PIK3CG: variants seen among roughly 807,000 people sequenced by gnomAD.
PIK3CG encodes the protein phosphatidylinositol 4,5-bisphosphate 3-kinase catalytic subunit gamma isoform.
Under a neutral mutation model 102.3 loss-of-function variants are expected in PIK3CG, and 55 were observed. The observed-to-expected ratio is 0.54, with a 90% CI of 0.43 to 0.67. The LOEUF is 0.67. PIK3CG is among the 30% of genes least tolerant of loss of function. PIK3CG has a pLI of 0.00. For missense variants in PIK3CG, 1,258 were observed against 1,391.8 expected (o/e 0.90, Z 1.53); for synonymous variants, 552 against 540.0 (o/e 1.02, Z -0.31).
At position 106,884,140 on chromosome 7, in the gene PIK3CG, A is replaced by C. The variant is rs1430682944; in HGVS notation, c.2761-15A>C. On this transcript the variant is annotated splice_polypyrimidine_tract_variant and intron_variant, in intron 8 of 10. Coordinates refer to ENST00000496166, the MANE Select transcript of PIK3CG (RefSeq NM_001282426.2). This position sits in a 1 kb window ranked among gnomAD's most constrained non-coding sequence, Gnocchi z 4.2. ...TAGTTAGAAGACAACTAATATTCAA[A>C]TGCATTTTAATTAGTTTCAGGCAGC... 6.5e-7 allele frequency: 1 copy of C among 1,545,738 alleles called. No individual in the cohort carries two copies. The highest frequency in any genetic ancestry group is 1.1e-5 in the South Asian group (1 of 89,186).
chr7:106,900,901 T>C (rs576546132), intron 10 of PIK3CG, among the ~76,000 whole-genome samples: 49 of 152,258 alleles, frequency 3.2e-4, no homozygotes, highest in Admixed American at 9.2e-4. Context: ...CTCTTCTGGC[T>C]TGTAGGGTTT....
chr7:106,879,688 T>A lies in PIK3CG; in HGVS notation c.2538+23T>A, dbSNP rs760503041. 1.3e-6 allele frequency: 2 copies of A among 1,582,616 alleles called. No individual in the cohort carries two copies. Among genetic ancestry groups the A allele is most frequent in the African/African-American group, 2.7e-5 (2 of 74,052 alleles). On this transcript the variant is annotated intron_variant, in intron 6 of 10. Transcript: ENST00000496166. The surrounding 1 kb of genome is among the most constrained non-coding windows in gnomAD (Gnocchi z 4.9). ...CAGGTATGCTAATTTTAAGATTGTT[T>A]TCAATTATCTGAAAACAATTCTATA... is the stretch of plus-strand genomic sequence containing the variant.
chr7:106,874,585 A>T lies in PIK3CG; in HGVS notation c.2288-115A>T. On this transcript the variant is annotated intron_variant, in intron 4 of 10. Coordinates refer to ENST00000496166, the MANE Select transcript of PIK3CG (RefSeq NM_001282426.2). The surrounding 1 kb of genome is among the most constrained non-coding windows in gnomAD (Gnocchi z 4.3). ...GGCCCACCCACATTTCTCCTGCTCT[A>T]CACCAGAACAAATATATAGAATGCT... 1 of 751,984 alleles carries T rather than the reference A, an allele frequency of 1.3e-6. No individual in the cohort carries two copies. Among genetic ancestry groups the T allele is most frequent in the South Asian group, 1.8e-5 (1 of 56,198 alleles). The allele number at this position is 751,984 out of a possible 1,614,324, so 46.6% of individuals were successfully genotyped here.
chr7:106,867,619 C>T lies in PIK3CG; in HGVS notation c.58C>T (p.Arg20Cys), dbSNP rs2116417261. 1 of 1,610,816 alleles carries T rather than the reference C, an allele frequency of 6.2e-7. No homozygotes were observed. Among genetic ancestry groups the T allele is most frequent in the South Asian group, 1.1e-5 (1 of 90,816 alleles). ...VVLREDNCRR[R>C]RRMKPRSAAA... ...GCTGAGAGAGGACAACTGCCGAAGG[C>T]GCCGGAGGATGAAGCCGCGCAGTGC... is the stretch of plus-strand genomic sequence containing the variant. The change falls in exon 2 of 11, where the codon CGC becomes TGC. Residue 20 changes from arginine (R) to cysteine (C), a missense_variant. This residue lies in a region of PIK3CG where 832 missense variants were observed against 787.5 expected (regional missense o/e 1.06). Coordinates refer to ENST00000496166, the MANE Select transcript of PIK3CG (RefSeq NM_001282426.2). This position sits in a 1 kb window ranked among gnomAD's most constrained non-coding sequence, Gnocchi z 5.1.
In PIK3CG at chr7:106,886,116, G is replaced by A. The variant is rs1791082628; in HGVS notation, c.2873-19G>A. ...GTGCTGTGCCACTGTAATGATGTCA[G>A]ATACTTTCTTCTCTTAAGGAAACCT... On this transcript the variant is annotated intron_variant, in intron 9 of 10. Transcript: ENST00000496166. The A allele has an allele frequency of 1.2e-6, 2 of 1,610,692 alleles. No homozygotes were observed. Among genetic ancestry groups the A allele is most frequent in the African/African-American group, 1.3e-5 (1 of 74,822 alleles).
In PIK3CG at chr7:106,876,910, T is replaced by A. The variant is rs1345769368; in HGVS notation, c.2391+2107T>A. 3.9e-5 allele frequency among the ~76,000 whole-genome samples: 6 copies of A among 152,184 alleles called. No individual in the cohort carries two copies. The East Asian group carries it at 1.2e-3, about 29-fold the overall frequency. Reference sequence around the variant, plus strand: ...CTTTTAGTGTCTTATCTAAGAAATCTGTCTAGGACTAGCACAGTGTCTCAC... The same window carrying A: ...CTTTTAGTGTCTTATCTAAGAAATCAGTCTAGGACTAGCACAGTGTCTCAC... On this transcript the variant is annotated intron_variant, in intron 5 of 10. Transcript: ENST00000496166.
At chr7:106,873,350 A>G (rs949805085) in intron 4 of PIK3CG, among the ~76,000 whole-genome samples, 1 of 152,184 alleles carries the variant, frequency 6.6e-6, no homozygotes, top group Non-Finnish European at 1.5e-5. Context: ...TTCTTCATCT[A>G]TATATCTCAG....
intron 7 of PIK3CG, 107 bp from the exon 8 acceptor site, chr7:106,882,917 CAAAAAAAAA>C: frequency 2.4e-6 from 1 of 412,252 alleles, no homozygotes; most frequent in South Asian, 4.0e-5. Flanking sequence ...GCTCTCTGGT[CAAAAAAAAA>C]AAAAAAAAAA....
At chr7:106,900,412 A>T (rs943194678) in intron 10 of PIK3CG, among the ~76,000 whole-genome samples, 1 of 152,118 alleles carries the variant, frequency 6.6e-6, no homozygotes, top group Admixed American at 6.6e-5. Context: ...TTTGCTTGGT[A>T]TATTTTCCTC....
At position 106,877,158 on chromosome 7, in the gene PIK3CG, A is replaced by T. The variant is rs1363143551; in HGVS notation, c.2391+2355A>T. On this transcript the variant is annotated intron_variant, in intron 5 of 10. Transcript: ENST00000496166. The surrounding 1 kb of genome is among the most constrained non-coding windows in gnomAD (Gnocchi z 4.5). The stretch of plus-strand genomic sequence containing the variant: ...TACTGCAGTGAGCTGTGTTTGTGCC[A>T]CTGCATTCCAACCTGGGCTACAGAG... Among the ~76,000 whole-genome samples, 1 of 152,242 alleles carries T rather than the reference A, an allele frequency of 6.6e-6. No individual in the cohort carries two copies. The highest frequency in any genetic ancestry group is 1.5e-5 in the Non-Finnish European group (1 of 68,038).
chr7:106,876,550 C>T (rs1228852651), intron 5 of PIK3CG, among the ~76,000 whole-genome samples: 1 of 151,366 alleles, frequency 6.6e-6, no homozygotes, highest in Non-Finnish European at 1.5e-5. Context: ...CGCCACCACA[C>T]CCAGCTAATT....
chr7:106,882,204 A>G lies in PIK3CG; in HGVS notation c.2626A>G (p.Ile876Val), dbSNP rs1427959397. 1 of 1,548,902 alleles carries G rather than the reference A, an allele frequency of 6.5e-7. No homozygotes were observed. The highest frequency in any genetic ancestry group is 2.3e-5 in the East Asian group (1 of 42,562). The change falls in exon 7 of 11, where the codon ATA (isoleucine) becomes GTA (valine). Residue 876 changes from isoleucine (I) to valine (V), a missense_variant. By Grantham distance (29) the Ile-to-Val change is conservative. Coordinates refer to ENST00000496166, the MANE Select transcript of PIK3CG (RefSeq NM_001282426.2). ...PYGCISTGDK[I>V]GMIEIVKDAT... ...TGGTTGCATTTCAACTGGTGACAAA[A>G]TAGGTATGTAGTTACCTCAGGAGAT...
At chr7:106,873,051 C>T (rs891302844) in intron 4 of PIK3CG, 113 bp downstream of exon 4, 1 of 731,318 alleles carries the variant, frequency 1.4e-6, no homozygotes, top group Non-Finnish European at 2.3e-6. Flanking sequence ...CCTGAAGGCA[C>T]CAAGAACACA....
rs1438913962 is a variant in PIK3CG at position 106,902,452 on chromosome 7, A to G, written c.3031-2657A>G. 1.3e-5 allele frequency among the ~76,000 whole-genome samples: 2 copies of G among 152,108 alleles called. No homozygotes were observed. Among genetic ancestry groups the G allele is most frequent in the Non-Finnish European group, 1.5e-5 (1 of 68,020 alleles). On this transcript the variant is annotated intron_variant, in intron 10 of 10. Coordinates refer to ENST00000496166, the MANE Select transcript of PIK3CG (RefSeq NM_001282426.2). This position sits in a 1 kb window ranked among gnomAD's most constrained non-coding sequence, Gnocchi z 4.3. The stretch of plus-strand genomic sequence containing the variant: ...ATAAGCACTTTAAAGCTTTTGATGC[A>G]TGTTAATCAAATTACCTGCTGGTAA...
At position 106,890,605 on chromosome 7, in the gene PIK3CG, C is replaced by T. The variant is rs1791241942; in HGVS notation, c.3030+4313C>T. 6.6e-6 allele frequency among the ~76,000 whole-genome samples: 1 copy of T among 152,222 alleles called. No homozygotes were observed. Among genetic ancestry groups the T allele is most frequent in the African/African-American group, 2.4e-5 (1 of 41,446 alleles). On this transcript the variant is annotated intron_variant, in intron 10 of 10. Transcript: ENST00000496166. This position sits in a 1 kb window ranked among gnomAD's most constrained non-coding sequence, Gnocchi z 4.2. Reference sequence around the variant, plus strand: ...ATTATCCTGCTTTCCAAAGATAATACTGTCAACATGTTAGTTTCTAGAAGA... The same window carrying T: ...ATTATCCTGCTTTCCAAAGATAATATTGTCAACATGTTAGTTTCTAGAAGA...
chr7:106,900,804 C>G (rs1791528895), intron 10 of PIK3CG, among the ~76,000 whole-genome samples: 2 of 152,132 alleles, frequency 1.3e-5, no homozygotes, highest in Admixed American at 1.3e-4. Flanking sequence ...CTTAAGTCTC[C>G]TTCACTTAGG....
Position 106,869,313 on chromosome 7 carries a change from G to A in PIK3CG, c.1752G>A (p.Lys584=), listed in dbSNP as rs2116462707. 1.9e-6 allele frequency: 3 copies of A among 1,614,212 alleles called. No individual in the cohort carries two copies. Among genetic ancestry groups the A allele is most frequent in the Non-Finnish European group, 2.5e-6 (3 of 1,180,044 alleles). The part of the protein sequence containing the change: ...LLWHFRYESL[K]HPKAYPKLFS... ...GGCATTTTAGATACGAAAGCCTTAA[G>A]CACCCAAAAGCATATCCTAAGCTAT... The change falls in exon 2 of 11, where the codon AAG becomes AAA. Residue 584 remains lysine, a synonymous_variant. Coordinates refer to ENST00000496166, the MANE Select transcript of PIK3CG (RefSeq NM_001282426.2). This position sits in a 1 kb window ranked among gnomAD's most constrained non-coding sequence, Gnocchi z 5.3.
rs528300689 is a variant in PIK3CG, at chr7:106,906,504, C to T, written c.*1117C>T. ...TAAAAATATTCCAAGTTAGGAAGAA[C>T]ACTACTTGCCTTATCCATTTCCCAT... On this transcript the variant is annotated 3_prime_UTR_variant, in exon 11 of 11. Coordinates refer to ENST00000496166, the MANE Select transcript of PIK3CG (RefSeq NM_001282426.2). 3.0e-5 allele frequency: 7 copies of T among 229,786 alleles called. No individual in the cohort carries two copies. The highest frequency in any genetic ancestry group is 5.2e-5 in the Non-Finnish European group (6 of 116,034). 14.2% of individuals were successfully genotyped at this position (229,786 alleles called of 1,614,324 possible).
In PIK3CG at chr7:106,884,293, T is replaced by A. The variant is rs849399; in HGVS notation, c.2872+27T>A. 2 of 1,404,054 alleles carry A rather than the reference T, an allele frequency of 1.4e-6. No homozygotes were observed. The highest frequency in any genetic ancestry group is 3.4e-5 in the Admixed American group (2 of 58,234). The allele number at this position is 1,404,054 out of a possible 1,614,324, so 87.0% of individuals were successfully genotyped here. A position where few individuals can be genotyped will look rare whatever the true frequency, so the allele number is the denominator to read the frequency against. ...TGAGTTTATTTAGTGCAGAATAAAC[T>A]TTTATTGTGGTAAAATATATATAAC... On this transcript the variant is annotated intron_variant, in intron 9 of 10. Coordinates refer to ENST00000496166, the MANE Select transcript of PIK3CG (RefSeq NM_001282426.2). This position sits in a 1 kb window ranked among gnomAD's most constrained non-coding sequence, Gnocchi z 4.2.
Sources: allele counts gnomAD v4.1 joint callset (sites outside exome capture counted in the v4.1 genomes callset), GRCh38; gene constraint gnomAD v4.1.1; regional missense constraint gnomAD v4.1.1; non-coding constraint Gnocchi (gnomAD v3.1); transcripts MANE v1.5; gene names NCBI Gene and HGNC (gene_info 2026-07-23, HGNC 2026-07-21).